The following KCNQ1 variants were observed in gnomAD, a reference collection of about 807,000 sequenced individuals.
The protein encoded by KCNQ1 is potassium voltage-gated channel subfamily Q member 1, also known as potassium voltage-gated channel subfamily KQT member 1.
KCNQ1 carries 49 observed loss-of-function variants against 72.4 expected under a neutral mutation model. The observed-to-expected ratio is 0.68, with a 90% CI of 0.54 to 0.86. KCNQ1 has a LOEUF of 0.86. KCNQ1 is among the 40% of genes least tolerant of loss of function. The pLI, the probability that KCNQ1 is intolerant of heterozygous loss-of-function variation, is 0.00. For synonymous variants in KCNQ1, 450 were observed against 412.6 expected (o/e 1.09, Z -1.10); for missense variants, 790 against 945.1 (o/e 0.84, Z 2.15).
At chr11:2,749,454 C>G (rs1207133236) in intron 11 of KCNQ1, among the ~76,000 whole-genome samples, 1 of 152,116 alleles carries the variant, frequency 6.6e-6, no homozygotes, top group Non-Finnish European at 1.5e-5. Flanking sequence ...CTGAGCCTCT[C>G]TGGGCCCCAG....
At chr11:2,694,977 A>G (rs1027060195) in intron 11 of KCNQ1, 7 of 398,606 alleles carry the variant, frequency 1.8e-5, no homozygotes, top group African/African-American at 6.2e-5. Context: ...ACAAAGAAGA[A>G]GAAGGCTGGC....
intron 1 of KCNQ1, among the ~76,000 whole-genome samples, chr11:2,523,642 G>A (rs576080245): frequency 6.6e-6 from 1 of 152,298 alleles, no homozygotes; most frequent in African/African-American, 2.4e-5. Context: ...AAGGGCAGCT[G>A]TGAAGTGGGG....
At chr11:2,797,125 C>T (rs1358834937) in intron 15 of KCNQ1, among the ~76,000 whole-genome samples, 1 of 152,128 alleles carries the variant, frequency 6.6e-6, no homozygotes, top group African/African-American at 2.4e-5. Context: ...GAGGACTCGG[C>T]CCAGAGCCTC....
chr11:2,682,395 G>A lies in KCNQ1; in HGVS notation c.1514+20314G>A. On this transcript the variant is annotated intron_variant, in intron 11 of 15. Transcript: ENST00000155840. This position sits in a 1 kb window ranked among gnomAD's most constrained non-coding sequence, Gnocchi z 5.8. ...ACATTCAAGGAGCATGAGGGTATAG[G>A]CTGGCTGTTTCTATTCAGTGTTTTA... 1 of 398,622 alleles carries A rather than the reference G, an allele frequency of 2.5e-6. No individual in the cohort carries two copies. 24.7% of individuals were successfully genotyped at this position (398,622 alleles called of 1,614,324 possible).
chr11:2,770,970 G>T (rs1225582887), intron 12 of KCNQ1, among the ~76,000 whole-genome samples: 1 of 152,372 alleles, frequency 6.6e-6, no homozygotes. Context: ...GGGTGTGTCA[G>T]TTCGCTGGAG....
intron 10 of KCNQ1, chr11:2,610,716 CTTTTTTTTTTTTTTT>C (rs1167505141): frequency 1.8e-4 from 41 of 230,162 alleles, no homozygotes; most frequent in Middle Eastern, 9.2e-4. Flanking sequence ...TCTTGGTTGG[CTTTTTTTTTTTTTTT>C]TTTTTTTTTT....
chr11:2,466,602 C>T (rs541485803), intron 1 of KCNQ1, among the ~76,000 whole-genome samples: 6 of 152,290 alleles, frequency 3.9e-5, no homozygotes, highest in South Asian at 2.1e-4. Flanking sequence ...CAGCCTTGCC[C>T]GGGGGCACAG....
At chr11:2,461,213 G>A (rs1008113066) in intron 1 of KCNQ1, among the ~76,000 whole-genome samples, 3 of 152,198 alleles carry the variant, frequency 2.0e-5, no homozygotes, top group Non-Finnish European at 4.4e-5. Flanking sequence ...TGTGGGGCTC[G>A]GTCTGCATGT....
At chr11:2,844,377 C>A (rs1393030076) in intron 15 of KCNQ1, among the ~76,000 whole-genome samples, 2 of 152,220 alleles carry the variant, frequency 1.3e-5, no homozygotes, top group Admixed American at 6.5e-5. Context: ...ATGATGAGAG[C>A]ATGTCTCTGG....
chr11:2,539,492 G>A (rs1294730356), intron 2 of KCNQ1, among the ~76,000 whole-genome samples: 4 of 152,204 alleles, frequency 2.6e-5, no homozygotes, highest in African/African-American at 7.2e-5. Flanking sequence ...CCCCACAAGC[G>A]TGTGACCCTG....
chr11:2,724,481 G>A lies in KCNQ1; in HGVS notation c.1515-44363G>A, dbSNP rs1043661588. Among the ~76,000 whole-genome samples, 1 of 152,220 alleles carries A rather than the reference G, an allele frequency of 6.6e-6. No individual in the cohort carries two copies. The highest frequency in any genetic ancestry group is 2.4e-5 in the African/African-American group (1 of 41,458). ...AGGAAGGAGGGTGGGAGGGCAAAGAGAGAGAAGTGGTGGGTGGCAGCGAGC... is the reference window on the plus strand; with the variant it reads ...AGGAAGGAGGGTGGGAGGGCAAAGAAAGAGAAGTGGTGGGTGGCAGCGAGC... On this transcript the variant is annotated intron_variant, in intron 11 of 15. Transcript: ENST00000155840. The surrounding 1 kb of genome is among the most constrained non-coding windows in gnomAD (Gnocchi z 6.8).
chr11:2,728,384 G>A (rs1201690478), intron 11 of KCNQ1, among the ~76,000 whole-genome samples: 3 of 152,230 alleles, frequency 2.0e-5, no homozygotes, highest in Non-Finnish European at 4.4e-5. Context: ...CCGGCTGAAC[G>A]CCAACTGGTT....
rs891427987 is a variant in KCNQ1 at position 2,592,722 on chromosome 11, G to T, written c.1393+3868G>T. 9.2e-5 allele frequency among the ~76,000 whole-genome samples: 14 copies of T among 152,204 alleles called. No homozygotes were observed. The highest frequency in any genetic ancestry group is 1.4e-4 in the African/African-American group (6 of 41,452). On this transcript the variant is annotated intron_variant, in intron 10 of 15. Transcript: ENST00000155840. The surrounding 1 kb of genome is among the most constrained non-coding windows in gnomAD (Gnocchi z 5.2). ...CCATTGTCTGTGCCCAGCCTGGGGA[G>T]CCTGACACTCACAGCCCGGCTGCTG...
intron 11 of KCNQ1, among the ~76,000 whole-genome samples, chr11:2,722,655 C>T (rs1040031191): frequency 6.6e-6 from 1 of 152,104 alleles, no homozygotes; most frequent in East Asian, 1.9e-4. Context: ...TCGGCAGTGG[C>T]GGACCGAGAG....
At chr11:2,839,162 G>C (rs1471904014) in intron 15 of KCNQ1, among the ~76,000 whole-genome samples, 1 of 152,042 alleles carries the variant, frequency 6.6e-6, no homozygotes, top group Non-Finnish European at 1.5e-5. Flanking sequence ...TCCCAGCCTG[G>C]GGCTTCCCCA....
intron 11 of KCNQ1, among the ~76,000 whole-genome samples, chr11:2,729,291 G>C (rs980421517): frequency 6.6e-6 from 1 of 152,274 alleles, no homozygotes; most frequent in South Asian, 2.1e-4. Flanking sequence ...ACAAATCTCT[G>C]TGCCTCGGTG....
chr11:2,539,299 C>T (rs1847785194), intron 2 of KCNQ1, among the ~76,000 whole-genome samples: 1 of 152,232 alleles, frequency 6.6e-6, no homozygotes, highest in South Asian at 2.1e-4. Context: ...GGTAGAAGCT[C>T]CTACCTGCTG....
chr11:2,837,855 G>A (rs768326254), intron 15 of KCNQ1, among the ~76,000 whole-genome samples: 7 of 152,292 alleles, frequency 4.6e-5, no homozygotes, highest in Middle Eastern at 3.4e-3. Context: ...GGCCGGCGGC[G>A]AGGGACCCTC....
intron 11 of KCNQ1, among the ~76,000 whole-genome samples, chr11:2,700,935 C>T (rs906173700): frequency 1.3e-5 from 2 of 152,274 alleles, no homozygotes; most frequent in African/African-American, 2.4e-5. Flanking sequence ...GAAGTTCACA[C>T]CCTGAGGCTT....
Sources: gnomAD v4.1 joint callset for allele counts (sites outside exome capture counted in the v4.1 genomes callset) on GRCh38, gnomAD v4.1.1 for gene constraint, Gnocchi (gnomAD v3.1) non-coding constraint, MANE v1.5 for transcripts, NCBI Gene and HGNC (gene_info 2026-07-23, HGNC 2026-07-21) for gene names.